B4GALT4: variants seen among roughly 807,000 people sequenced by gnomAD.
The protein encoded by B4GALT4 is N-acetyllactosamine synthase.
A neutral mutation model predicts 37.3 loss-of-function variants in B4GALT4; 27 were observed. That is an observed-to-expected ratio of 0.72 (90% CI 0.53 to 1.00). The LOEUF is 1.00. B4GALT4 is among the 50% of genes least tolerant of loss of function. The pLI, the probability that B4GALT4 is intolerant of heterozygous loss-of-function variation, is 0.00. For synonymous variants in B4GALT4, 148 were observed against 154.1 expected (o/e 0.96, Z 0.29); for missense variants, 372 against 413.1 (o/e 0.90, Z 0.86).
chr3:119,213,763 T>C (rs1030749642), intron 7 of B4GALT4: 8 of 152,204 alleles, frequency 5.3e-5, no homozygotes, highest in Non-Finnish European at 7.3e-5. Context: ...TTTCATACAA[T>C]TTAGGAATAC....
chr3:119,214,122 G>A lies in B4GALT4; in HGVS notation c.903-1441C>T, dbSNP rs2078230717. 3.9e-5 allele frequency: 6 copies of A among 152,334 alleles called. 1 individual carries two copies. In the Middle Eastern group the frequency reaches 0.014, roughly 345 times the overall value. 9.4% of individuals were successfully genotyped at this position (152,334 alleles called of 1,614,324 possible). A position where few individuals can be genotyped will look rare whatever the true frequency, so the allele number is the denominator to read the frequency against. On this transcript the variant is annotated intron_variant, in intron 7 of 7. Coordinates refer to ENST00000393765, the MANE Select transcript of B4GALT4 (RefSeq NM_003778.4). Reference sequence around the variant, plus strand: ...CATGCCTGTGGTCCCAGCTACTTGGGAGGCTGAGCTTGGAGGATTGCTTGA... The same window carrying A: ...CATGCCTGTGGTCCCAGCTACTTGGAAGGCTGAGCTTGGAGGATTGCTTGA...
chr3:119,230,085 C>G lies in B4GALT4; in HGVS notation c.15G>C (p.Leu5=), dbSNP rs2078759874. 5.0e-6 allele frequency: 8 copies of G among 1,614,018 alleles called. No individual in the cohort carries two copies. The highest frequency in any genetic ancestry group is 8.5e-7 in the Non-Finnish European group (1 of 1,180,006). Residue 5 remains leucine, a synonymous_variant, in exon 3 of 8, where the codon CTG becomes CTC. Coordinates refer to ENST00000393765, the MANE Select transcript of B4GALT4 (RefSeq NM_003778.4). ...GGAATTTGTAGGAAAGGTGGAAAGTCAGGTTGAAGCCCATGTTTTTTATTA... is the reference window on the plus strand; with the variant it reads ...GGAATTTGTAGGAAAGGTGGAAAGTGAGGTTGAAGCCCATGTTTTTTATTA... MGFN[L]TFHLSYKFRL...
chr3:119,239,151 C>A (rs766662879), intron 1 of B4GALT4, among the ~76,000 whole-genome samples: 4 of 151,956 alleles, frequency 2.6e-5, no homozygotes, highest in Non-Finnish European at 4.4e-5. Context: ...CATGGTGAAA[C>A]CCCATCACTA....
At chr3:119,229,495 G>A (rs1405522710) in intron 3 of B4GALT4, among the ~76,000 whole-genome samples, 1 of 152,220 alleles carries the variant, frequency 6.6e-6, no homozygotes, top group Admixed American at 6.5e-5. Flanking sequence ...CTTCCGATTT[G>A]TAAAGTTCCA....
chr3:119,231,759 TTA>T (rs1159214751), intron 2 of B4GALT4, among the ~76,000 whole-genome samples: 2 of 141,634 alleles, frequency 1.4e-5, no homozygotes, highest in Non-Finnish European at 3.1e-5. Context: ...TTTATAAATT[TTA>T]TTTTATTTAA....
chr3:119,226,340 G>A (rs999053555), intron 4 of B4GALT4: 1 of 157,990 alleles, frequency 6.3e-6, no homozygotes, highest in African/African-American at 2.4e-5. Context: ...TAGTGGCAAA[G>A]TTCAGGGCAG....
intron 2 of B4GALT4, among the ~76,000 whole-genome samples, chr3:119,236,522 C>A (rs968463092): frequency 1.3e-5 from 2 of 152,122 alleles, no homozygotes; most frequent in Non-Finnish European, 2.9e-5. Context: ...TAACCTGAGT[C>A]AACAAATGAT....
intron 7 of B4GALT4, chr3:119,216,027 A>C (rs1222139766): frequency 6.2e-6 from 2 of 321,564 alleles, no homozygotes; most frequent in African/African-American, 2.1e-5. Context: ...GTAAGAAAAA[A>C]ACTGAGGGAA....
chr3:119,234,832 C>A (rs889717597), intron 2 of B4GALT4, among the ~76,000 whole-genome samples: 7 of 152,312 alleles, frequency 4.6e-5, no homozygotes, highest in African/African-American at 1.7e-4. Flanking sequence ...TTATTTAGGG[C>A]AAGATTTACC....
chr3:119,227,056 G>GGACACA lies in B4GALT4; in HGVS notation c.254-21_254-16dup, dbSNP rs774538644. 129 of 1,607,792 alleles carry GGACACA rather than the reference G, an allele frequency of 8.0e-5. 1 individual carries two copies. The highest frequency in any genetic ancestry group is 8.5e-6 in the Non-Finnish European group (10 of 1,174,680). On this transcript the variant is annotated splice_polypyrimidine_tract_variant and intron_variant, in intron 3 of 7. Coordinates refer to ENST00000393765, the MANE Select transcript of B4GALT4 (RefSeq NM_003778.4). ...GCTCTGGCCTCCTACAATGAACATA[G>GGACACA]GACACAGACAATAACAGTAGCTACT... is the stretch of plus-strand genomic sequence containing the variant.
intron 6 of B4GALT4, among the ~76,000 whole-genome samples, chr3:119,216,909 C>T (rs1168258975): frequency 6.6e-6 from 1 of 152,194 alleles, no homozygotes; most frequent in Non-Finnish European, 1.5e-5. Flanking sequence ...TTCAAATATT[C>T]AAATGATATA....
intron 5 of B4GALT4, among the ~76,000 whole-genome samples, chr3:119,220,048 C>T (rs765131787): frequency 3.9e-5 from 6 of 152,164 alleles, no homozygotes; most frequent in Non-Finnish European, 7.3e-5. Context: ...ATCTGTAGTT[C>T]AGTTGTTTCT....
chr3:119,223,985 G>A, intron 5 of B4GALT4, 73 bp downstream of exon 5: 1 of 1,403,574 alleles, frequency 7.1e-7, no homozygotes, highest in East Asian at 2.5e-5. Flanking sequence ...CACTCTGGAT[G>A]CTTGTTCCAC....
At chr3:119,228,562 A>G (rs1448902961) in intron 3 of B4GALT4, among the ~76,000 whole-genome samples, 1 of 152,256 alleles carries the variant, frequency 6.6e-6, no homozygotes, top group African/African-American at 2.4e-5. Flanking sequence ...TCATTTTTAC[A>G]TCGCAGCTTG....
intron 7 of B4GALT4, chr3:119,214,269 A>G (rs1052030105): frequency 1.3e-5 from 2 of 152,184 alleles, no homozygotes; most frequent in African/African-American, 4.8e-5. Flanking sequence ...TCAGGCTAAA[A>G]GCACTTTAAT....
intron 2 of B4GALT4, among the ~76,000 whole-genome samples, chr3:119,233,661 A>G (rs1397710103): frequency 6.6e-6 from 1 of 152,240 alleles, no homozygotes; most frequent in African/African-American, 2.4e-5. Context: ...AAATATTCAT[A>G]AACTAATATT....
rs1337915569 is a variant in B4GALT4 at position 119,212,675 on chromosome 3, C to T, written c.909G>A (p.Lys303=). The T allele has an allele frequency of 6.3e-7, 1 of 1,593,984 alleles. No individual in the cohort carries two copies. Among genetic ancestry groups the T allele is most frequent in the Non-Finnish European group, 8.5e-7 (1 of 1,174,544 alleles). The change falls in exon 8 of 8, where the codon AAG becomes AAA. Residue 303 remains lysine (K), a synonymous_variant. Coordinates refer to ENST00000393765, the MANE Select transcript of B4GALT4 (RefSeq NM_003778.4). ...KGNEVNAERM[K]LLHQVSRVWR... is the part of the protein sequence containing the mutation. ...AGACTCGTGACACTTGGTGTAAGAG[C>T]TTCATCCTAAAGATAAAAAGAACAA...
At chr3:119,216,857 G>T (rs888097139) in intron 6 of B4GALT4, among the ~76,000 whole-genome samples, 19 of 152,178 alleles carry the variant, frequency 1.2e-4, no homozygotes, top group Non-Finnish European at 2.2e-4. Context: ...CCAGGTCTCA[G>T]TTCCCTCATC....
Position 119,229,855 on chromosome 3 carries a change from G to T in B4GALT4, c.245C>A (p.Pro82His). The T allele has an allele frequency of 6.2e-7, 1 of 1,614,134 alleles. No homozygotes were observed. The highest frequency in any genetic ancestry group is 8.5e-7 in the Non-Finnish European group (1 of 1,179,978). Reference protein sequence around the residue: ...VELDNCPSVSPYLRGQSKLIF... With the variant: ...VELDNCPSVSHYLRGQSKLIF... ...AAAAAAGCAACACTTACTGAGGTAA[G>T]GAGACACAGAAGGGCAGTTGTCAAG... Residue 82 changes from proline (P) to histidine (H), a missense_variant, in exon 3 of 8, where the codon CCT (proline) becomes CAT (histidine). Coordinates refer to ENST00000393765, the MANE Select transcript of B4GALT4 (RefSeq NM_003778.4).
Sources: gnomAD v4.1 joint callset for allele counts (sites outside exome capture counted in the v4.1 genomes callset) on GRCh38, gnomAD v4.1.1 for gene constraint, MANE v1.5 for transcripts, NCBI Gene and HGNC (gene_info 2026-07-23, HGNC 2026-07-21) for gene names.